FBXO15: variants seen among roughly 807,000 people sequenced by gnomAD.
The protein encoded by FBXO15 is F-box protein 15, also known as F-box only protein 15.
FBXO15 carries 30 observed loss-of-function variants against 49.5 expected under a neutral mutation model. The observed-to-expected ratio is 0.61, with a 90% confidence interval of 0.45 to 0.82. The LOEUF (loss-of-function observed/expected upper bound fraction) is 0.82. Among genes scored for constraint, FBXO15 ranks in the 40% least tolerant of loss-of-function variants. The pLI, the probability that FBXO15 is intolerant of heterozygous loss-of-function variation, is 0.00. For synonymous variants in FBXO15, 250 were observed against 232.7 expected (o/e 1.07, Z -0.68); for missense variants, 591 against 631.5 (o/e 0.94, Z 0.69).
chr18:74,136,541 G>A (rs531186245), intron 2 of FBXO15, among the ~76,000 whole-genome samples: 6 of 152,228 alleles, frequency 3.9e-5, no homozygotes, highest in East Asian at 1.9e-4. Context: ...CGCCCACACC[G>A]ATCCCAGGCG....
chr18:74,100,408 C>A (rs546079039), intron 8 of FBXO15, among the ~76,000 whole-genome samples: 3 of 152,104 alleles, frequency 2.0e-5, no homozygotes, highest in African/African-American at 7.2e-5. Context: ...TAGGATACAG[C>A]AAAAGTGGTG....
intron 8 of FBXO15, among the ~76,000 whole-genome samples, chr18:74,118,627 A>T (rs1568171928): frequency 1.3e-5 from 2 of 152,096 alleles, no homozygotes; most frequent in East Asian, 3.9e-4. Context: ...TTTAAAACTG[A>T]AAGTAATATA....
intron 4 of FBXO15, among the ~76,000 whole-genome samples, chr18:74,129,842 T>C (rs889724407): frequency 2.0e-5 from 3 of 152,184 alleles, no homozygotes; most frequent in African/African-American, 4.8e-5. Flanking sequence ...ACTGGCAATA[T>C]ATAAATAAGA....
In FBXO15 at chr18:74,126,040, T is replaced by C. The variant is rs1379898639; in HGVS notation, c.847A>G (p.Ile283Val). The C allele has an allele frequency of 2.5e-6, 4 of 1,614,074 alleles. No individual in the cohort carries two copies. Among genetic ancestry groups the C allele is most frequent in the Non-Finnish European group, 3.4e-6 (4 of 1,179,972 alleles). Residue 283 changes from isoleucine to valine, a missense_variant, in exon 6 of 10, where the codon ATT (isoleucine) becomes GTT (valine). Coordinates refer to ENST00000419743, the MANE Select transcript of FBXO15 (RefSeq NM_001142958.2). The part of the protein sequence containing the change: ...NLSHLTISTM[I>V]GCDRLIRIFC... ...ATCCGAATGAGTCTGTCACAGCCAA[T>C]CATGGTAGATATGGTCAAATGACTC...
rs1408391009 is a variant in FBXO15, at chr18:74,074,867, C to T, written c.1264-1137G>A. 6.6e-6 allele frequency among the ~76,000 whole-genome samples: 1 copy of T among 152,210 alleles called. No homozygotes were observed. The highest frequency in any genetic ancestry group is 1.5e-5 in the Non-Finnish European group (1 of 68,040). On this transcript the variant is annotated intron_variant, in intron 9 of 9. Transcript: ENST00000419743. This position sits in a 1 kb window ranked among gnomAD's most constrained non-coding sequence, Gnocchi z 4.7. Reference sequence around the variant, plus strand: ...CCATGGACCTAGCCCACCCACTAGCCAGCCCTTCCTTCTCCCGCCTCTTCC... The same window carrying T: ...CCATGGACCTAGCCCACCCACTAGCTAGCCCTTCCTTCTCCCGCCTCTTCC...
chr18:74,116,775 G>A (rs2145176111), intron 8 of FBXO15, among the ~76,000 whole-genome samples: 1 of 152,210 alleles, frequency 6.6e-6, no homozygotes. Context: ...ATGGAGGCAG[G>A]GCTTCCCTCT....
At chr18:74,111,064 A>G (rs961522578) in intron 8 of FBXO15, among the ~76,000 whole-genome samples, 11 of 152,138 alleles carry the variant, frequency 7.2e-5, no homozygotes, top group African/African-American at 2.4e-4. Context: ...AACGGGGTAT[A>G]ATGAATATTT....
intron 8 of FBXO15, among the ~76,000 whole-genome samples, chr18:74,108,992 T>G (rs1390997091): frequency 6.6e-6 from 1 of 152,086 alleles, no homozygotes; most frequent in Non-Finnish European, 1.5e-5. Context: ...GCAAGGGAAA[T>G]AAAGGTTTTC....
intron 3 of FBXO15, among the ~76,000 whole-genome samples, chr18:74,133,407 G>C (rs1442405112): frequency 1.3e-5 from 2 of 152,112 alleles, no homozygotes; most frequent in Non-Finnish European, 2.9e-5. Flanking sequence ...AGACAGTAAA[G>C]AAACTAAGAA....
intron 8 of FBXO15, among the ~76,000 whole-genome samples, chr18:74,093,264 G>GA (rs35793189): frequency 0.28 from 2,330 of 8,288 alleles, 82 homozygotes; most frequent in East Asian, 0.45. Flanking sequence ...GCAAAACAAT[G>GA]GGGGGGGGGT....
chr18:74,115,719 T>G (rs376635138), intron 8 of FBXO15, among the ~76,000 whole-genome samples: 15 of 152,366 alleles, frequency 9.8e-5, no homozygotes, highest in African/African-American at 3.6e-4. Flanking sequence ...TATACACTGA[T>G]ATATAGATAT....
chr18:74,096,596 T>A (rs1913285009), intron 8 of FBXO15, among the ~76,000 whole-genome samples: 2 of 146,542 alleles, frequency 1.4e-5, no homozygotes, highest in Non-Finnish European at 3.0e-5. Flanking sequence ...TATAGCCATA[T>A]AGCCACAAGA....
chr18:74,117,584 T>C (rs149723258), intron 8 of FBXO15, among the ~76,000 whole-genome samples: 263 of 152,178 alleles, frequency 1.7e-3, no homozygotes, highest in African/African-American at 6.0e-3. Context: ...CGGACCTGAG[T>C]GCAGACTGTG....
At chr18:74,122,764 C>G (rs557875767) in intron 8 of FBXO15, 1 of 152,278 alleles carries the variant, frequency 6.6e-6, no homozygotes, top group Admixed American at 6.5e-5. Flanking sequence ...AAATGTTAAA[C>G]TTGAATCTAA....
intron 1 of FBXO15, among the ~76,000 whole-genome samples, chr18:74,144,028 C>T (rs9952120): frequency 1.4e-3 from 212 of 152,284 alleles, no homozygotes; most frequent in African/African-American, 4.9e-3. Context: ...GCCTGGCATG[C>T]GAGCAGCATT....
rs920774474 is a variant in FBXO15 at position 74,135,970 on chromosome 18, G to A, written c.228-104C>T. ...GCTGCTCATCTCTAAATAGAAGGCC[G>A]TAGAGAGACCCCTCCTGTACAAGAG... On this transcript the variant is annotated intron_variant, in intron 2 of 9. Coordinates refer to ENST00000419743, the MANE Select transcript of FBXO15 (RefSeq NM_001142958.2). 1.4e-4 allele frequency: 117 copies of A among 813,988 alleles called. 2 individuals carry two copies. Among genetic ancestry groups the A allele is most frequent in the Non-Finnish European group, 1.9e-4 (96 of 517,016 alleles). The allele number at this position is 813,988 out of a possible 1,614,324, so 50.4% of individuals were successfully genotyped here.
intron 6 of FBXO15, among the ~76,000 whole-genome samples, chr18:74,125,728 G>C (rs1428081063): frequency 6.6e-6 from 1 of 152,202 alleles, no homozygotes; most frequent in East Asian, 1.9e-4. Context: ...AGAGGTTGTT[G>C]TCTATGATAG....
At chr18:74,120,131 G>C (rs1020207413) in intron 8 of FBXO15, among the ~76,000 whole-genome samples, 5 of 152,188 alleles carry the variant, frequency 3.3e-5, no homozygotes, top group Non-Finnish European at 7.3e-5. Flanking sequence ...AATGTACACA[G>C]TGTGTACTTA....
Position 74,140,327 on chromosome 18 carries a change from G to A in FBXO15, c.117-15C>T. On this transcript the variant is annotated splice_polypyrimidine_tract_variant and intron_variant, in intron 1 of 9. Coordinates refer to ENST00000419743, the MANE Select transcript of FBXO15 (RefSeq NM_001142958.2). ...CTGGCCCCTTTCTGAAAGTAAATGT[G>A]GGAAATTCAAATTATGTAATTACCA... The A allele has an allele frequency of 6.5e-7, 1 of 1,543,780 alleles. No individual in the cohort carries two copies.
Sources: gnomAD v4.1 joint callset for allele counts (sites outside exome capture counted in the v4.1 genomes callset) on GRCh38, gnomAD v4.1.1 for gene constraint, Gnocchi (gnomAD v3.1) non-coding constraint, MANE v1.5 for transcripts, NCBI Gene and HGNC (gene_info 2026-07-23, HGNC 2026-07-21) for gene names.